FBLN1: variants seen among roughly 807,000 people sequenced by gnomAD.
FBLN1 encodes fibulin-1.
A neutral mutation model predicts 89.7 loss-of-function variants in FBLN1; 34 were observed. That is an observed-to-expected ratio of 0.38 (90% CI 0.29 to 0.50). FBLN1 has a LOEUF of 0.50. Among genes scored for constraint, FBLN1 ranks in the 20% least tolerant of loss-of-function variants. The pLI, the probability that FBLN1 is intolerant of heterozygous loss-of-function variation, is 0.92. For synonymous variants in FBLN1, 393 were observed against 391.3 expected, an observed-to-expected ratio of 1.00 and a Z score of -0.05; for missense variants, 777 against 988.1, an observed-to-expected ratio of 0.79 and a Z score of 2.86.
intron 9 of FBLN1, among the ~76,000 whole-genome samples, chr22:45,541,935 A>G (rs1297763870): frequency 6.6e-6 from 1 of 152,062 alleles, no homozygotes; most frequent in Non-Finnish European, 1.5e-5. Context: ...TACCTTAATG[A>G]GAGTCATTGC....
At chr22:45,596,121 G>A (rs926610430) in intron 16 of FBLN1, among the ~76,000 whole-genome samples, 32 of 152,262 alleles carry the variant, frequency 2.1e-4, no homozygotes, top group Admixed American at 5.9e-4. Flanking sequence ...CGCCCGCCTC[G>A]GCCTCCCAAA....
chr22:45,520,802 A>G (rs2088239822), intron 2 of FBLN1, among the ~76,000 whole-genome samples: 1 of 151,942 alleles, frequency 6.6e-6, no homozygotes, highest in East Asian at 1.9e-4. Flanking sequence ...GTCTTTGGTA[A>G]ATTTTGGAGT....
chr22:45,595,994 T>G (rs1007195276), intron 16 of FBLN1, among the ~76,000 whole-genome samples: 1 of 152,162 alleles, frequency 6.6e-6, no homozygotes, highest in Non-Finnish European at 1.5e-5. Context: ...CTCAGCCTCC[T>G]GAGTAGCTGG....
rs936007178 is a variant in FBLN1 at position 45,543,297 on chromosome 22, G to A, written c.1196-104G>A. The A allele has an allele frequency of 2.6e-4, 361 of 1,376,564 alleles. 2 individuals are homozygous for A. Among genetic ancestry groups the A allele is most frequent in the Non-Finnish European group, 3.4e-4 (334 of 983,950 alleles). The allele number at this position is 1,376,564 out of a possible 1,614,324, so 85.3% of individuals were successfully genotyped here. A position where few individuals can be genotyped will look rare whatever the true frequency, so the allele number is the denominator to read the frequency against. On this transcript the variant is annotated intron_variant, in intron 10 of 16. Coordinates refer to ENST00000327858, the MANE Select transcript of FBLN1 (RefSeq NM_006486.3). ...GAAGGAAAAAAAAGAAATGAGGCTG[G>A]AGGAGGTGGAGGACAAAGGACATGA...
At chr22:45,547,620 G>A (rs940479675) in intron 12 of FBLN1, among the ~76,000 whole-genome samples, 1 of 151,696 alleles carries the variant, frequency 6.6e-6, no homozygotes, top group Non-Finnish European at 1.5e-5. Context: ...GGCTGGTCTC[G>A]AACTCCGTGG....
Position 45,531,873 on chromosome 22 carries a change from C to G in FBLN1, c.544+549C>G, listed in dbSNP as rs2146967382. Among the ~76,000 whole-genome samples, 1 of 152,352 alleles carries G rather than the reference C, an allele frequency of 6.6e-6. No individual in the cohort carries two copies. Among genetic ancestry groups the G allele is most frequent in the South Asian group, 2.1e-4 (1 of 4,832 alleles). ...AGGTGACAGAGGCCTCCCTCAGGCT[C>G]TCAGGGGAGAGGAGGGGGCTCAGCG... is the stretch of plus-strand genomic sequence containing the variant. On this transcript the variant is annotated intron_variant, in intron 5 of 16. Transcript: ENST00000327858. The surrounding 1 kb of genome is among the most constrained non-coding windows in gnomAD (Gnocchi z 4.9).
chr22:45,513,421 C>T (rs193012201), intron 1 of FBLN1, among the ~76,000 whole-genome samples: 1 of 151,572 alleles, frequency 6.6e-6, no homozygotes. Context: ...TCTCCTGCCT[C>T]TCAGCCTCCT....
chr22:45,563,186 G>A lies in FBLN1; in HGVS notation c.1698-11325G>A, dbSNP rs769436571. 104 of 1,613,650 alleles carry A rather than the reference G, an allele frequency of 6.4e-5. No homozygotes were observed. The Admixed American group carries it at 1.4e-3, about 22-fold the overall frequency. Reference sequence around the variant, plus strand: ...CGAGCCCAGGGACTTGCTCCTGACCGTCAAGATGGATCTCTCTCGCCACGG... The same window carrying A: ...CGAGCCCAGGGACTTGCTCCTGACCATCAAGATGGATCTCTCTCGCCACGG... On this transcript the variant is annotated intron_variant, in intron 14 of 16. Transcript: ENST00000327858. This position sits in a 1 kb window ranked among gnomAD's most constrained non-coding sequence, Gnocchi z 5.7.
At chr22:45,513,595 C>T (rs1602162512) in intron 1 of FBLN1, among the ~76,000 whole-genome samples, 2 of 152,122 alleles carry the variant, frequency 1.3e-5, no homozygotes, top group East Asian at 3.8e-4. Flanking sequence ...CCTCCATCTC[C>T]AGAACTTTTC....
intron 16 of FBLN1, among the ~76,000 whole-genome samples, chr22:45,594,732 A>G (rs763102): frequency 0.013 from 1,366 of 108,490 alleles, 23 homozygotes; most frequent in East Asian, 0.067. Context: ...ATGGATGGAT[A>G]GATGGATGGG....
intron 9 of FBLN1, among the ~76,000 whole-genome samples, chr22:45,541,743 A>T (rs955464950): frequency 6.6e-6 from 1 of 152,160 alleles, no homozygotes; most frequent in Non-Finnish European, 1.5e-5. Context: ...CTCCCCACAC[A>T]AGCACTGTCC....
intron 8 of FBLN1, among the ~76,000 whole-genome samples, chr22:45,539,092 CCTCCCCCTCCCTT>C: frequency 2.6e-5 from 3 of 113,744 alleles, no homozygotes; most frequent in African/African-American, 9.9e-5. Flanking sequence ...CCCCTCCCAT[CCTCCCCCTCCCTT>C]CTCCTCTTCC....
chr22:45,589,318 A>G (rs1426181740), intron 16 of FBLN1, among the ~76,000 whole-genome samples: 1 of 151,796 alleles, frequency 6.6e-6, no homozygotes, highest in East Asian at 1.9e-4. Context: ...TTCCCCAGCG[A>G]CCTTGGGGAG....
intron 1 of FBLN1, among the ~76,000 whole-genome samples, chr22:45,510,323 G>A (rs1442822368): frequency 6.6e-6 from 1 of 152,162 alleles, no homozygotes; most frequent in Non-Finnish European, 1.5e-5. Context: ...TTGCAACCCA[G>A]TGGAAATTTT....
In FBLN1 at chr22:45,577,255, G is replaced by A; in HGVS notation, c.1972+147G>A. 1.1e-6 allele frequency: 1 copy of A among 907,966 alleles called. No homozygotes were observed. The highest frequency in any genetic ancestry group is 1.7e-6 in the Non-Finnish European group (1 of 575,168). The allele number at this position is 907,966 out of a possible 1,614,324, so 56.2% of individuals were successfully genotyped here. A position where few individuals can be genotyped will look rare whatever the true frequency, so the allele number is the denominator to read the frequency against. Reference sequence around the variant, plus strand: ...AGGGCCCAGCGCCGAGGCCACCACAGCTCCCAATCGGTCTCGGCCGGAGGA... The same window carrying A: ...AGGGCCCAGCGCCGAGGCCACCACAACTCCCAATCGGTCTCGGCCGGAGGA... On this transcript the variant is annotated intron_variant, in intron 16 of 16. Coordinates refer to ENST00000327858, the MANE Select transcript of FBLN1 (RefSeq NM_006486.3). The surrounding 1 kb of genome is among the most constrained non-coding windows in gnomAD (Gnocchi z 6.6).
At chr22:45,594,809 G>A (rs1300945928) in intron 16 of FBLN1, among the ~76,000 whole-genome samples, 26 of 151,944 alleles carry the variant, frequency 1.7e-4, no homozygotes. Context: ...TGGATGGATG[G>A]TTGGATCCAT....
chr22:45,559,400 G>A (rs1195561793), intron 14 of FBLN1, among the ~76,000 whole-genome samples: 1 of 152,198 alleles, frequency 6.6e-6, no homozygotes, highest in African/African-American at 2.4e-5. Context: ...ACTAATCTCT[G>A]CAATCCCTCC....
At chr22:45,594,408 C>T (rs990168365) in intron 16 of FBLN1, among the ~76,000 whole-genome samples, 1 of 152,204 alleles carries the variant, frequency 6.6e-6, no homozygotes, top group Non-Finnish European at 1.5e-5. Context: ...TGACACCGTT[C>T]CCAGAACCGG....
At chr22:45,519,674 A>G (rs2146952106) in intron 2 of FBLN1, among the ~76,000 whole-genome samples, 1 of 151,650 alleles carries the variant, frequency 6.6e-6, no homozygotes, top group African/African-American at 2.4e-5. Flanking sequence ...CATGCTGATC[A>G]TCATCATAAA....
Sources: allele counts gnomAD v4.1 joint callset (sites outside exome capture counted in the v4.1 genomes callset), GRCh38; gene constraint gnomAD v4.1.1; non-coding constraint Gnocchi (gnomAD v3.1); transcripts MANE v1.5; gene names NCBI Gene and HGNC (gene_info 2026-07-23, HGNC 2026-07-21).